CNTN4: variants seen among roughly 807,000 people sequenced by gnomAD.
The protein encoded by CNTN4 is contactin-4.
CNTN4 carries 77 observed loss-of-function variants against 122.5 expected under a neutral mutation model. The ratio of observed to expected loss-of-function variants is 0.63; its 90% CI spans 0.52 to 0.76. CNTN4 has a LOEUF of 0.76. Ranked by LOEUF, CNTN4 falls within the 30% of genes least tolerant of loss-of-function variation. The pLI, the probability that CNTN4 is intolerant of heterozygous loss-of-function variation, is 0.00. For missense variants in CNTN4, 1,256 were observed against 1,259.1 expected (o/e 1.00, Z 0.04); for synonymous variants, 512 against 447.0 (o/e 1.15, Z -1.83).
At chr3:2,744,882 C>T (rs1208681358) in intron 5 of CNTN4, among the ~76,000 whole-genome samples, 1 of 152,136 alleles carries the variant, frequency 6.6e-6, no homozygotes, top group Non-Finnish European at 1.5e-5. Context: ...CCTGTCTTTG[C>T]CCCGATAACC....
intron 3 of CNTN4, among the ~76,000 whole-genome samples, chr3:2,378,762 A>G (rs940707540): frequency 4.6e-5 from 7 of 152,168 alleles, no homozygotes; most frequent in African/African-American, 1.7e-4. Flanking sequence ...AAGGATTACA[A>G]ATAATCTGGT....
chr3:2,318,712 T>A, intron 2 of CNTN4, among the ~76,000 whole-genome samples: 1 of 152,134 alleles, frequency 6.6e-6, no homozygotes, highest in East Asian at 1.9e-4. Flanking sequence ...GCAGTGGAGC[T>A]CACTCCACCC....
chr3:2,650,326 GA>G (rs2083306229), intron 4 of CNTN4, among the ~76,000 whole-genome samples: 1 of 152,044 alleles, frequency 6.6e-6, no homozygotes, highest in Non-Finnish European at 1.5e-5. Flanking sequence ...GATAAAACTT[GA>G]ATGGATGAGG....
intron 8 of CNTN4, among the ~76,000 whole-genome samples, chr3:2,881,419 A>G (rs1376125594): frequency 6.6e-6 from 1 of 152,088 alleles, no homozygotes; most frequent in East Asian, 1.9e-4. Flanking sequence ...AGGCTGAGGC[A>G]CAAGAATTGC....
chr3:2,589,800 C>G (rs2080377406), intron 4 of CNTN4, among the ~76,000 whole-genome samples: 1 of 152,170 alleles, frequency 6.6e-6, no homozygotes, highest in Admixed American at 6.5e-5. Flanking sequence ...GTAGGCCTCT[C>G]TTCTGTACCG....
rs190728169 is a variant in CNTN4 at position 2,170,081 on chromosome 3, G to A, written c.-145+69442G>A. Among the ~76,000 whole-genome samples the A allele has an allele frequency of 6.0e-3, 915 of 152,082 alleles. 4 individuals are homozygous for A. Among genetic ancestry groups the A allele is most frequent in the Non-Finnish European group, 0.01 (695 of 67,972 alleles). On this transcript the variant is annotated intron_variant, in intron 2 of 24. Transcript: ENST00000418658. ...TCACGCCTGTAATCCCAGCACTTTGGGAGGCCGAGGCGGGAGGATCACAAG... is the reference window on the plus strand; with the variant it reads ...TCACGCCTGTAATCCCAGCACTTTGAGAGGCCGAGGCGGGAGGATCACAAG...
intron 6 of CNTN4, among the ~76,000 whole-genome samples, chr3:2,817,573 A>G (rs1045825524): frequency 1.4e-4 from 21 of 152,238 alleles, no homozygotes; most frequent in African/African-American, 5.1e-4. Context: ...TTTAAAGCTC[A>G]GGAAGGATAG....
chr3:2,485,019 C>A (rs375657008), intron 3 of CNTN4, among the ~76,000 whole-genome samples: 6 of 152,336 alleles, frequency 3.9e-5, no homozygotes, highest in African/African-American at 1.4e-4. Context: ...GCTGGTGCCA[C>A]TGGCCCCGGG....
At chr3:2,988,748 A>G (rs1044251359) in intron 14 of CNTN4, 8 of 386,364 alleles carry the variant, frequency 2.1e-5, no homozygotes, top group East Asian at 5.1e-5. Context: ...GTTATCTTCA[A>G]TCCTTTAATT....
At chr3:3,036,738 C>A (rs1314799948) in intron 17 of CNTN4, among the ~76,000 whole-genome samples, 1 of 148,450 alleles carries the variant, frequency 6.7e-6, no homozygotes, top group Non-Finnish European at 1.5e-5. Flanking sequence ...CTGCACTCTA[C>A]CCTGGGCATC....
intron 3 of CNTN4, among the ~76,000 whole-genome samples, chr3:2,372,800 C>T (rs939009028): frequency 5.3e-5 from 8 of 152,096 alleles, no homozygotes; most frequent in African/African-American, 1.2e-4. Context: ...CCTATAATTT[C>T]GGCACTTTGG....
At chr3:2,310,907 A>G (rs965384762) in intron 2 of CNTN4, among the ~76,000 whole-genome samples, 5 of 152,128 alleles carry the variant, frequency 3.3e-5, no homozygotes, top group African/African-American at 7.2e-5. Context: ...TAGCTATTCA[A>G]CCTGTCTTTC....
intron 3 of CNTN4, among the ~76,000 whole-genome samples, chr3:2,482,787 G>A (rs1191703949): frequency 2.0e-5 from 3 of 152,224 alleles, no homozygotes; most frequent in Non-Finnish European, 4.4e-5. Flanking sequence ...ATACACAGAA[G>A]TCAAGAATTG....
intron 3 of CNTN4, among the ~76,000 whole-genome samples, chr3:2,428,642 TCCC>T (rs1297143374): frequency 6.6e-6 from 1 of 152,226 alleles, no homozygotes; most frequent in Non-Finnish European, 1.5e-5. Flanking sequence ...GGGGAAGTTC[TCCC>T]AGATAATATC....
chr3:2,275,901 C>CA (rs1212819787), intron 2 of CNTN4, among the ~76,000 whole-genome samples: 2 of 123,952 alleles, frequency 1.6e-5, no homozygotes, highest in East Asian at 4.4e-4. Flanking sequence ...GTCTAGGTGA[C>CA]AGAGCCAGAC....
At chr3:2,923,030 G>T (rs982631656) in intron 12 of CNTN4, among the ~76,000 whole-genome samples, 5 of 152,252 alleles carry the variant, frequency 3.3e-5, no homozygotes, top group African/African-American at 4.8e-5. Flanking sequence ...GAAACTGAAA[G>T]GTGTGTTTTC....
intron 4 of CNTN4, among the ~76,000 whole-genome samples, chr3:2,714,512 T>C (rs907679936): frequency 6.6e-6 from 1 of 152,044 alleles, no homozygotes; most frequent in African/African-American, 2.4e-5. Flanking sequence ...AAGAGGAAGA[T>C]AGCACCTGTG....
chr3:2,672,244 A>C (rs1448047449), intron 4 of CNTN4, among the ~76,000 whole-genome samples: 2 of 152,142 alleles, frequency 1.3e-5, no homozygotes, highest in Non-Finnish European at 2.9e-5. Flanking sequence ...GGCCTCCTTG[A>C]GCTGTGGTGG....
At chr3:2,654,056 T>C (rs1449746795) in intron 4 of CNTN4, among the ~76,000 whole-genome samples, 1 of 152,250 alleles carries the variant, frequency 6.6e-6, no homozygotes, top group Non-Finnish European at 1.5e-5. Flanking sequence ...TAAGTGATGA[T>C]AGAGCTTACA....
Sources: gnomAD v4.1 joint callset for allele counts (sites outside exome capture counted in the v4.1 genomes callset) on GRCh38, gnomAD v4.1.1 for gene constraint, MANE v1.5 for transcripts, NCBI Gene and HGNC (gene_info 2026-07-23, HGNC 2026-07-21) for gene names.